Variants in COL4A5 observed in about 807,000 individuals in gnomAD.
COL4A5 encodes the protein collagen type IV alpha 5 chain.
COL4A5 carries 26 observed loss-of-function variants against 130.2 expected under a neutral mutation model. That is an observed-to-expected ratio of 0.20 (90% CI 0.15 to 0.28). COL4A5 has a LOEUF of 0.28. Ranked by LOEUF, COL4A5 falls within the 10% of genes least tolerant of loss-of-function variation. COL4A5 has a pLI of 1.00. For synonymous variants in COL4A5, 496 were observed against 439.6 expected (o/e 1.13, Z -1.60); for missense variants, 1,131 against 1,344.3 (o/e 0.84, Z 2.48).
intron 36 of COL4A5, among the ~76,000 whole-genome samples, chrX:108,644,457 C>T (rs1043558236): frequency 2.7e-5 from 3 of 112,145 alleles, no homozygotes; most frequent in African/African-American, 9.7e-5. Context: ...AGCCCACGAA[C>T]TTTCTCCAAG....
At chrX:108,689,003 C>T (rs967464322) in intron 49 of COL4A5, among the ~76,000 whole-genome samples, 1 of 111,596 alleles carries the variant, frequency 9.0e-6, no homozygotes, top group Non-Finnish European at 1.9e-5. Flanking sequence ...GGTCATAGGC[C>T]ATTTTATGAA....
intron 1 of COL4A5, among the ~76,000 whole-genome samples, chrX:108,532,453 C>A (rs1313826895): frequency 8.9e-6 from 1 of 111,742 alleles, no homozygotes; most frequent in African/African-American, 3.2e-5. Context: ...CCATATACTT[C>A]AAATCCACTG....
chrX:108,479,035 A>G (rs1392510523), intron 1 of COL4A5, among the ~76,000 whole-genome samples: 4 of 112,177 alleles, frequency 3.6e-5, no homozygotes, highest in Non-Finnish European at 7.5e-5. Flanking sequence ...TGCTGAGCCC[A>G]TGCATAACCT....
chrX:108,472,271 T>C (rs2064780211), intron 1 of COL4A5, among the ~76,000 whole-genome samples: 1 of 111,676 alleles, frequency 9.0e-6, no homozygotes, highest in African/African-American at 3.3e-5. Context: ...TGTTGTGTCT[T>C]AGAGAATGTT....
At chrX:108,454,104 C>A (rs780900252) in intron 1 of COL4A5, among the ~76,000 whole-genome samples, 1 of 112,081 alleles carries the variant, frequency 8.9e-6, no homozygotes, top group South Asian at 3.7e-4. Context: ...ATATAGTTAT[C>A]TCTCAGGAAA....
chrX:108,526,587 CCCTCCCTCCTTTCTTT>C (rs2065314493), intron 1 of COL4A5, among the ~76,000 whole-genome samples: 1 of 60,515 alleles, frequency 1.7e-5, no homozygotes, highest in African/African-American at 8.5e-5. Flanking sequence ...CTCCCTCCCT[CCCTCCCTCCTTTCTTT>C]CTTTCTTTCT....
At chrX:108,679,678 A>G (rs907358753) in intron 44 of COL4A5, among the ~76,000 whole-genome samples, 1 of 111,171 alleles carries the variant, frequency 9.0e-6, no homozygotes, top group Non-Finnish European at 1.9e-5. Context: ...AAGTAGAGCA[A>G]TAGCCTCCTA....
intron 28 of COL4A5, among the ~76,000 whole-genome samples, chrX:108,605,204 T>C (rs746789311): frequency 3.6e-5 from 4 of 112,418 alleles, no homozygotes; most frequent in African/African-American, 1.3e-4. Context: ...TTGACATGCC[T>C]TCCTCACTAA....
intron 33 of COL4A5, among the ~76,000 whole-genome samples, chrX:108,623,425 C>T (rs994893829): frequency 1.0e-5 from 1 of 96,521 alleles, no homozygotes; most frequent in South Asian, 4.7e-4. Context: ...TAAAATATTA[C>T]GTGGGGTTTT....
intron 1 of COL4A5, among the ~76,000 whole-genome samples, chrX:108,479,540 C>G (rs182919010): frequency 1.6e-3 from 184 of 111,825 alleles, no homozygotes; most frequent in African/African-American, 5.7e-3. Context: ...GTGAGCCAGG[C>G]CCTGGTCTTC....
At chrX:108,463,200 T>C (rs1221116228) in intron 1 of COL4A5, among the ~76,000 whole-genome samples, 1 of 112,398 alleles carries the variant, frequency 8.9e-6, no homozygotes, top group Non-Finnish European at 1.9e-5. Context: ...TTGTTTCTAG[T>C]TGAATTCAGA....
chrX:108,567,003 T>A (rs982490673), intron 4 of COL4A5, among the ~76,000 whole-genome samples: 91 of 112,059 alleles, frequency 8.1e-4, no homozygotes, highest in African/African-American at 2.9e-3. Context: ...AAATGTTCAT[T>A]CCTAATATCA....
chrX:108,530,323 A>T (rs1224035781), intron 1 of COL4A5, among the ~76,000 whole-genome samples: 1 of 111,449 alleles, frequency 9.0e-6, no homozygotes, highest in Non-Finnish European at 1.9e-5. Context: ...TGAAGAAATT[A>T]TGATGGAAAT....
chrX:108,649,470 C>T lies in COL4A5; in HGVS notation c.3247-5861C>T, dbSNP rs150664930. On this transcript the variant is annotated intron_variant, in intron 36 of 52. Transcript: ENST00000328300. ...CCAAAGCAAGACTAAACAAAAAGAA[C>T]AAATCTGGAGGCATCACACTACCTG... Among the ~76,000 whole-genome samples, 117 of 111,780 alleles carry T rather than the reference C, an allele frequency of 1.0e-3. 4 individuals are homozygous for T. The East Asian group carries it at 0.031, about 30-fold the overall frequency.
intron 4 of COL4A5, among the ~76,000 whole-genome samples, chrX:108,568,260 A>C (rs769889453): frequency 3.5e-4 from 39 of 111,262 alleles, no homozygotes; most frequent in African/African-American, 1.2e-3. Flanking sequence ...GATCACTATT[A>C]ATGTCTTCAG....
At chrX:108,467,715 C>G (rs1052577909) in intron 1 of COL4A5, among the ~76,000 whole-genome samples, 3 of 111,289 alleles carry the variant, frequency 2.7e-5, no homozygotes, top group African/African-American at 9.8e-5. Flanking sequence ...TTTTTACCTC[C>G]TTGGCCAAAT....
Position 108,687,612 on chromosome X carries a change from C to T in COL4A5, c.4446C>T (p.Cys1482=). 1.7e-6 allele frequency: 2 copies of T among 1,211,313 alleles called. No individual in the cohort carries two copies. The highest frequency in any genetic ancestry group is 1.7e-5 in the African/African-American group (1 of 57,768). ...RHSQTTDAPQ[C]PQGTLQVYEG... is the part of the protein sequence containing the mutation. Reference sequence around the variant, plus strand: ...GCCAGACAACGGATGCACCACAATGCCCACAGGGAACACTTCAGGTCTATG... The same window carrying T: ...GCCAGACAACGGATGCACCACAATGTCCACAGGGAACACTTCAGGTCTATG... Residue 1482 remains cysteine (C), a synonymous_variant, in exon 49 of 53, where the codon TGC becomes TGT. Transcript: ENST00000328300.
intron 36 of COL4A5, among the ~76,000 whole-genome samples, chrX:108,648,577 G>A (rs2067658220): frequency 8.9e-6 from 1 of 111,813 alleles, no homozygotes; most frequent in Admixed American, 9.5e-5. Context: ...TGCAGTGATG[G>A]TTTAACATAG....
At chrX:108,451,376 A>G (rs141922142) in intron 1 of COL4A5, among the ~76,000 whole-genome samples, 11,192 of 110,783 alleles carry the variant, frequency 0.1, 1,288 homozygotes, top group African/African-American at 0.33. Flanking sequence ...GGGATGGCTG[A>G]GTCAAATGGT....
Sources: allele counts gnomAD v4.1 joint callset (sites outside exome capture counted in the v4.1 genomes callset), GRCh38; gene constraint gnomAD v4.1.1; transcripts MANE v1.5; gene names NCBI Gene and HGNC (gene_info 2026-07-23, HGNC 2026-07-21).